CSMD1: variants seen among roughly 807,000 people sequenced by gnomAD.
The protein encoded by CSMD1 is CUB and Sushi multiple domains 1, also known as CUB and sushi domain-containing protein 1.
CSMD1 carries 213 observed loss-of-function variants against 417.5 expected under a neutral mutation model. That is an observed-to-expected ratio of 0.51 (90% CI 0.46 to 0.57). The LOEUF is 0.57. CSMD1 is among the 20% of genes least tolerant of loss of function. The pLI is 0.00. For synonymous variants in CSMD1, 2,862 were observed against 1,736.8 expected (o/e 1.65, Z -16.11); for missense variants, 6,923 against 4,529.7 (o/e 1.53, Z -15.17).
intron 5 of CSMD1, among the ~76,000 whole-genome samples, chr8:3,817,449 T>A (rs1801450549): frequency 6.6e-6 from 1 of 151,600 alleles, no homozygotes; most frequent in Non-Finnish European, 1.5e-5. Flanking sequence ...CCCAGCTCAT[T>A]TTTGTGTTTT....
rs545819470 is a variant in CSMD1, at chr8:3,569,825, G to A, written c.1344+5120C>T. Among the ~76,000 whole-genome samples, 6 of 152,264 alleles carry A rather than the reference G, an allele frequency of 3.9e-5. No individual in the cohort carries two copies. The South Asian group carries it at 1.2e-3, about 32-fold the overall frequency. On this transcript the variant is annotated intron_variant, in intron 10 of 69. Coordinates refer to ENST00000635120, the MANE Select transcript of CSMD1 (RefSeq NM_033225.6). ...AGATGCCTTCAGGTGTCTAAGTGGT[G>A]CTTTGCTAAGAGTATTGGTTGTGCG...
Position 4,872,438 on chromosome 8 carries a change from G to A in CSMD1, c.85+121894C>T, listed in dbSNP as rs577602812. Among the ~76,000 whole-genome samples, 8 of 152,018 alleles carry A rather than the reference G, an allele frequency of 5.3e-5. No homozygotes were observed. The East Asian group carries it at 1.4e-3, about 26-fold the overall frequency. On this transcript the variant is annotated intron_variant, in intron 1 of 69. Transcript: ENST00000635120. ...CAGGTGAGTTCCTATGAAGTCTGACGGTTTTATAAGAGGATTCCTCCCATC... is the reference window on the plus strand; with the variant it reads ...CAGGTGAGTTCCTATGAAGTCTGACAGTTTTATAAGAGGATTCCTCCCATC...
At chr8:3,265,364 C>G (rs762963372) in intron 26 of CSMD1, among the ~76,000 whole-genome samples, 2 of 152,116 alleles carry the variant, frequency 1.3e-5, no homozygotes, top group Non-Finnish European at 2.9e-5. Flanking sequence ...AACAGCCAAG[C>G]GTGATAAAGA....
intron 26 of CSMD1, among the ~76,000 whole-genome samples, chr8:3,259,077 A>T (rs1292864377): frequency 6.6e-6 from 1 of 152,206 alleles, no homozygotes; most frequent in Non-Finnish European, 1.5e-5. Context: ...CCTGCTACTT[A>T]TATATAAAGC....
intron 2 of CSMD1, among the ~76,000 whole-genome samples, chr8:4,463,770 C>G (rs983497494): frequency 8.5e-5 from 13 of 152,100 alleles, no homozygotes; most frequent in African/African-American, 3.1e-4. Flanking sequence ...TGAGTGGGTA[C>G]TAATGGATAC....
intron 38 of CSMD1, among the ~76,000 whole-genome samples, chr8:3,158,667 A>G (rs1273486937): frequency 6.6e-6 from 1 of 152,054 alleles, no homozygotes; most frequent in Non-Finnish European, 1.5e-5. Flanking sequence ...TAGAGGGTTA[A>G]ATTCAAAGAT....
chr8:4,244,811 A>G (rs1279250826), intron 3 of CSMD1, among the ~76,000 whole-genome samples: 3 of 152,200 alleles, frequency 2.0e-5, no homozygotes, highest in Non-Finnish European at 4.4e-5. Flanking sequence ...AAATATGTGT[A>G]TATATGTATG....
intron 3 of CSMD1, among the ~76,000 whole-genome samples, chr8:4,187,111 T>G (rs770236293): frequency 6.6e-6 from 1 of 151,826 alleles, no homozygotes; most frequent in African/African-American, 2.4e-5. Context: ...TTCTGAAGAA[T>G]TTCACCAAGT....
chr8:4,537,921 G>A (rs1007829909), intron 2 of CSMD1, among the ~76,000 whole-genome samples: 2 of 152,200 alleles, frequency 1.3e-5, no homozygotes, highest in African/African-American at 2.4e-5. Flanking sequence ...TGTGAGAAAA[G>A]CATTAACTTC....
intron 5 of CSMD1, among the ~76,000 whole-genome samples, chr8:3,758,921 T>C (rs567062035): frequency 1.3e-5 from 2 of 152,130 alleles, no homozygotes; most frequent in African/African-American, 4.8e-5. Context: ...AGGTTCCAGG[T>C]AGAAGAGCCT....
At chr8:4,005,723 T>C (rs895412775) in intron 4 of CSMD1, among the ~76,000 whole-genome samples, 4 of 152,206 alleles carry the variant, frequency 2.6e-5, no homozygotes, top group African/African-American at 9.6e-5. Flanking sequence ...TTTGATTTGT[T>C]TCAGCTAAAT....
intron 5 of CSMD1, among the ~76,000 whole-genome samples, chr8:3,782,890 C>CA (rs1248037683): frequency 6.6e-6 from 1 of 152,018 alleles, no homozygotes; most frequent in Non-Finnish European, 1.5e-5. Context: ...GAGCCATTAC[C>CA]AAAAAATAAA....
chr8:4,655,242 C>A (rs1401856025), intron 1 of CSMD1, among the ~76,000 whole-genome samples: 1 of 151,992 alleles, frequency 6.6e-6, no homozygotes, highest in Non-Finnish European at 1.5e-5. Flanking sequence ...ACCTTGGTTG[C>A]TAAAATTGAA....
At chr8:4,974,498 A>T (rs201328392) in intron 1 of CSMD1, among the ~76,000 whole-genome samples, 3 of 138,856 alleles carry the variant, frequency 2.2e-5, no homozygotes, top group Non-Finnish European at 3.2e-5. Flanking sequence ...GAGAATGATC[A>T]TTACATGAAA....
rs576553356 is a variant in CSMD1, at chr8:3,372,441, G to A, written c.2783-3071C>T. 2.6e-4 allele frequency among the ~76,000 whole-genome samples: 40 copies of A among 152,276 alleles called. 1 individual carries two copies. The highest frequency in any genetic ancestry group is 8.9e-4 in the African/African-American group (37 of 41,568). ...GGTTTAGCCCTGCTCCTGAGGCTGTGCTGAGAGAATACACAGTGGTGAAGG... is the reference window on the plus strand; with the variant it reads ...GGTTTAGCCCTGCTCCTGAGGCTGTACTGAGAGAATACACAGTGGTGAAGG... On this transcript the variant is annotated intron_variant, in intron 18 of 69. Coordinates refer to ENST00000635120, the MANE Select transcript of CSMD1 (RefSeq NM_033225.6).
At chr8:2,996,139 T>A (rs1585114620) in intron 54 of CSMD1, among the ~76,000 whole-genome samples, 2 of 152,222 alleles carry the variant, frequency 1.3e-5, no homozygotes, top group Admixed American at 1.3e-4. Context: ...ATTATGAATG[T>A]ATTTACTCAT....
intron 2 of CSMD1, among the ~76,000 whole-genome samples, chr8:4,450,990 GAC>G (rs1563188542): frequency 8.7e-5 from 13 of 150,288 alleles, no homozygotes; most frequent in African/African-American, 3.2e-4. Flanking sequence ...GTACTGAATT[GAC>G]AGCTAAGCTT....
chr8:3,520,460 G>C (rs531514868), intron 10 of CSMD1, among the ~76,000 whole-genome samples: 1 of 152,218 alleles, frequency 6.6e-6, no homozygotes, highest in African/African-American at 2.4e-5. Context: ...AAAATATCAA[G>C]TTACTATTGC....
At chr8:4,936,321 C>A (rs1294752850) in intron 1 of CSMD1, among the ~76,000 whole-genome samples, 1 of 152,044 alleles carries the variant, frequency 6.6e-6, no homozygotes, top group Non-Finnish European at 1.5e-5. Flanking sequence ...AATAAACAAA[C>A]AGGGACAGGA....
Sources: allele counts gnomAD v4.1 joint callset (sites outside exome capture counted in the v4.1 genomes callset), GRCh38; gene constraint gnomAD v4.1.1; transcripts MANE v1.5; gene names NCBI Gene and HGNC (gene_info 2026-07-23, HGNC 2026-07-21).